PRSS3: variants seen among roughly 807,000 people sequenced by gnomAD.
The protein encoded by PRSS3 is trypsin-3.
In PRSS3, 14 loss-of-function variants were observed where a neutral mutation model predicts 20.8. The ratio of observed to expected loss-of-function variants is 0.67; its 90% CI spans 0.44 to 1.05. The LOEUF (loss-of-function observed/expected upper bound fraction) is 1.05. PRSS3 is among the 50% of genes least tolerant of loss of function. The pLI is 0.00. For missense variants in PRSS3, 237 were observed against 306.4 expected, an observed-to-expected ratio of 0.77 and a Z score of 1.69; for synonymous variants, 91 against 117.6, an observed-to-expected ratio of 0.77 and a Z score of 1.46.
upstream of PRSS3, chr9:33,750,689 C>A: frequency 6.2e-6 from 9 of 1,449,492 alleles, no homozygotes; most frequent in Non-Finnish European, 8.1e-6. This position sits in a 1 kb window ranked among gnomAD's most constrained non-coding sequence, Gnocchi z 4.8. Context: ...ACTTGGCGAG[C>A]GGCGCGGGAT....
chr9:33,796,778 TATC>T lies in PRSS3; in HGVS notation c.178_180del (p.Ser60del), dbSNP rs763777565. On this transcript the variant is annotated inframe_deletion, in exon 2 of 5. Coordinates refer to ENST00000379405, the MANE Select transcript of PRSS3 (RefSeq NM_002771.4). ...TCCCTCATCAGCGAACAGTGGGTGG[TATC>T]AGCAGCTCACTGCTACAAGACGTAA... The T allele has an allele frequency of 2.2e-5, 36 of 1,613,868 alleles. No homozygotes were observed. In the Admixed American group the frequency reaches 3.3e-4, roughly 15 times the overall value.
chr9:33,750,910 T>C lies in PRSS3; in HGVS notation c.-53+183T>C. ...GGGGCTCAGGGACAGGGATGGAGGC[T>C]CCTCTAGGGGAGGACGGGAGGGGAT... On this transcript the variant is annotated intron_variant, in intron 1 of 5. Transcript: ENST00000342836. This position sits in a 1 kb window ranked among gnomAD's most constrained non-coding sequence, Gnocchi z 4.8. 7.6e-7 allele frequency: 1 copy of C among 1,308,778 alleles called. No individual in the cohort carries two copies. The highest frequency in any genetic ancestry group is 9.7e-7 in the Non-Finnish European group (1 of 1,025,992). 81.1% of individuals were successfully genotyped at this position (1,308,778 alleles called of 1,614,324 possible).
intron 1 of PRSS3, among the ~76,000 whole-genome samples, chr9:33,763,413 G>A (rs562599894): frequency 1.3e-5 from 2 of 152,180 alleles, no homozygotes; most frequent in Non-Finnish European, 2.9e-5. Flanking sequence ...GCTAAAGAAG[G>A]TGGAGGCCGG....
intron 1 of PRSS3, among the ~76,000 whole-genome samples, chr9:33,763,923 T>G (rs1292419550): frequency 1.3e-5 from 2 of 152,164 alleles, no homozygotes; most frequent in Non-Finnish European, 2.9e-5. Context: ...TCCTATTTCC[T>G]CCAGGCTGAG....
At chr9:33,759,849 G>A (rs1007894963) in intron 1 of PRSS3, among the ~76,000 whole-genome samples, 3 of 152,192 alleles carry the variant, frequency 2.0e-5, no homozygotes, top group African/African-American at 7.2e-5. Context: ...CTTATGCAAG[G>A]AGGATTGTTG....
chr9:33,778,440 A>G (rs1824035723), intron 1 of PRSS3, among the ~76,000 whole-genome samples: 1 of 152,184 alleles, frequency 6.6e-6, no homozygotes, highest in Non-Finnish European at 1.5e-5. Context: ...AGGACTACTT[A>G]CATCCAAATA....
chr9:33,794,678 G>A, upstream of PRSS3: 1 of 1,475,174 alleles, frequency 6.8e-7, no homozygotes, highest in Non-Finnish European at 9.0e-7. Context: ...TCTGATCAGG[G>A]GCATGTCATT....
chr9:33,762,425 C>T (rs1393730190), intron 1 of PRSS3, among the ~76,000 whole-genome samples: 1 of 152,200 alleles, frequency 6.6e-6, no homozygotes, highest in Non-Finnish European at 1.5e-5. Flanking sequence ...GTCACATCCA[C>T]CTGTGAGCAA....
intron 1 of PRSS3, among the ~76,000 whole-genome samples, chr9:33,776,862 T>A (rs1823957590): frequency 6.6e-6 from 1 of 151,364 alleles, no homozygotes; most frequent in East Asian, 1.9e-4. Flanking sequence ...GGAGTAAGAG[T>A]GAAAGAAGAG....
upstream of PRSS3, among the ~76,000 whole-genome samples, chr9:33,791,902 T>TG (rs1824648905): frequency 6.6e-6 from 1 of 151,910 alleles, no homozygotes; most frequent in Non-Finnish European, 1.5e-5. Context: ...GGCTTCAAGG[T>TG]GGGGAGCAGC....
intron 1 of PRSS3, among the ~76,000 whole-genome samples, chr9:33,757,075 G>A (rs56818697): frequency 0.038 from 5,784 of 152,264 alleles, 372 homozygotes; most frequent in African/African-American, 0.13. Flanking sequence ...ATTTATTCCT[G>A]TTTGAGAAAA....
chr9:33,772,948 C>T (rs1258977095), intron 1 of PRSS3, among the ~76,000 whole-genome samples: 1 of 152,194 alleles, frequency 6.6e-6, no homozygotes, highest in Non-Finnish European at 1.5e-5. Flanking sequence ...CTGGACATCT[C>T]TTCTTTCACC....
At chr9:33,752,049 T>C (rs1822724772) in intron 1 of PRSS3, among the ~76,000 whole-genome samples, 1 of 152,252 alleles carries the variant, frequency 6.6e-6, no homozygotes. Flanking sequence ...GCATTATTTG[T>C]TCTGATATTA....
At chr9:33,792,756 A>C (rs1209936651), upstream of PRSS3, among the ~76,000 whole-genome samples, 1 of 152,242 alleles carries the variant, frequency 6.6e-6, no homozygotes, top group Non-Finnish European at 1.5e-5. Flanking sequence ...TGAAGAAAAA[A>C]TTCTTAACTT....
intron 1 of PRSS3, among the ~76,000 whole-genome samples, chr9:33,784,263 G>A (rs1323551598): frequency 1.3e-5 from 2 of 151,732 alleles, no homozygotes; most frequent in Non-Finnish European, 2.9e-5. Context: ...TAAAGAATAG[G>A]GATCATTTGT....
intron 1 of PRSS3, among the ~76,000 whole-genome samples, chr9:33,781,479 G>A (rs1261334515): frequency 6.6e-6 from 1 of 152,126 alleles, no homozygotes; most frequent in African/African-American, 2.4e-5. Context: ...TAAACATTGA[G>A]CACACATGAA....
At chr9:33,798,210 C>G in intron 3 of PRSS3, 128 bp downstream of exon 3, 1 of 1,237,804 alleles carries the variant, frequency 8.1e-7, no homozygotes, top group Non-Finnish European at 1.1e-6. Context: ...TACACACAGT[C>G]TCTGCACTGG....
At chr9:33,768,370 C>T (rs1823537617) in intron 1 of PRSS3, among the ~76,000 whole-genome samples, 3 of 151,690 alleles carry the variant, frequency 2.0e-5, no homozygotes. Flanking sequence ...ATCCCAGCTA[C>T]TCAGGAGGCT....
At chr9:33,785,913 C>G (rs942481283) in intron 1 of PRSS3, 4 of 166,940 alleles carry the variant, frequency 2.4e-5, no homozygotes, top group African/African-American at 9.6e-5. Flanking sequence ...AGTTCTGCAC[C>G]CCACTTTTTG....
Sources: allele counts gnomAD v4.1 joint callset (sites outside exome capture counted in the v4.1 genomes callset), GRCh38; gene constraint gnomAD v4.1.1; non-coding constraint Gnocchi (gnomAD v3.1); transcripts MANE v1.5; gene names NCBI Gene and HGNC (gene_info 2026-07-23, HGNC 2026-07-21).